The following NRXN3 variants were observed in gnomAD, a reference collection of about 807,000 sequenced individuals.
NRXN3 encodes neurexin 3.
A neutral mutation model predicts 137.6 loss-of-function variants in NRXN3; 32 were observed. The observed-to-expected ratio is 0.23, with a 90% CI of 0.18 to 0.31. The LOEUF is 0.31. NRXN3 is among the 10% of genes least tolerant of loss of function. The pLI is 1.00. For missense variants in NRXN3, 1,574 were observed against 2,062.5 expected, an observed-to-expected ratio of 0.76 and a Z score of 4.59; for synonymous variants, 798 against 784.5, an observed-to-expected ratio of 1.02 and a Z score of -0.29.
chr14:78,592,161 G>C (rs1408761805), intron 4 of NRXN3, among the ~76,000 whole-genome samples: 4 of 152,102 alleles, frequency 2.6e-5, no homozygotes, highest in Non-Finnish European at 4.4e-5. Flanking sequence ...TTTGCAAAGT[G>C]GGGGCTGAAG....
At chr14:78,254,191 G>A (rs542345573) in intron 2 of NRXN3, among the ~76,000 whole-genome samples, 1 of 152,160 alleles carries the variant, frequency 6.6e-6, no homozygotes. Flanking sequence ...GATGTAAGCA[G>A]GTGACTCATA....
At chr14:78,369,090 T>C (rs1043939460) in intron 4 of NRXN3, among the ~76,000 whole-genome samples, 7 of 152,182 alleles carry the variant, frequency 4.6e-5, no homozygotes, top group African/African-American at 1.4e-4. Context: ...TCGCTTAATA[T>C]GGGCATCTAA....
At chr14:79,279,671 C>T in intron 15 of NRXN3, 1 of 986,294 alleles carries the variant, frequency 1.0e-6, no homozygotes, top group Non-Finnish European at 1.2e-6. Flanking sequence ...TGCTCCGTGG[C>T]GCTAGTCCAG....
intron 15 of NRXN3, among the ~76,000 whole-genome samples, chr14:79,010,933 A>C (rs534163055): frequency 6.6e-6 from 1 of 152,150 alleles, no homozygotes; most frequent in Non-Finnish European, 1.5e-5. Context: ...TGGCACAAAA[A>C]AAGAATTGTG....
chr14:78,691,523 A>C (rs2098170268), intron 6 of NRXN3, among the ~76,000 whole-genome samples: 1 of 152,174 alleles, frequency 6.6e-6, no homozygotes, highest in African/African-American at 2.4e-5. Flanking sequence ...TTTTTGATGG[A>C]ATTCTAGTGG....
chr14:79,498,033 C>T (rs1601236441), intron 16 of NRXN3, among the ~76,000 whole-genome samples: 1 of 152,096 alleles, frequency 6.6e-6, no homozygotes, highest in East Asian at 1.9e-4. Context: ...GATTCTGTCT[C>T]AGAAAACAAA....
intron 4 of NRXN3, among the ~76,000 whole-genome samples, chr14:78,301,144 A>G (rs545555572): frequency 1.0e-5 from 1 of 100,190 alleles, no homozygotes; most frequent in African/African-American, 3.1e-5. Context: ...AATTTTATTT[A>G]ATGTGGAATT....
intron 11 of NRXN3, among the ~76,000 whole-genome samples, chr14:78,965,421 A>C (rs918330432): frequency 1.2e-4 from 19 of 152,110 alleles, no homozygotes; most frequent in African/African-American, 4.6e-4. Flanking sequence ...GGTAAAGTAC[A>C]TTGAGTGGTC....
At position 78,966,224 on chromosome 14, in the gene NRXN3, G is replaced by A. The variant is rs1277339142; in HGVS notation, c.2595G>A (p.Leu865=). Residue 865 remains leucine (L), a synonymous_variant, in exon 12 of 21, where the codon CTG becomes CTA. Coordinates refer to ENST00000335750, the MANE Select transcript of NRXN3 (RefSeq NM_001330195.2). ...GTGAGCTGAAGGCTCGTTTTGGACTGAGGAACATCATCGCTGACCCTGTCA... is the reference window on the plus strand; with the variant it reads ...GTGAGCTGAAGGCTCGTTTTGGACTAAGGAACATCATCGCTGACCCTGTCA... ...DYCELKARFG[L]RNIIADPVTF... is the part of the protein sequence containing the mutation. 1.2e-6 allele frequency: 2 copies of A among 1,614,072 alleles called. No individual in the cohort carries two copies. Among genetic ancestry groups the A allele is most frequent in the Non-Finnish European group, 1.7e-6 (2 of 1,180,044 alleles).
intron 15 of NRXN3, among the ~76,000 whole-genome samples, chr14:79,329,560 A>G (rs2091386003): frequency 6.6e-6 from 1 of 152,146 alleles, no homozygotes; most frequent in Non-Finnish European, 1.5e-5. Flanking sequence ...ATGATATGTA[A>G]ACAAATGGAC....
chr14:78,348,712 C>A (rs1315413416), intron 4 of NRXN3, among the ~76,000 whole-genome samples: 1 of 152,174 alleles, frequency 6.6e-6, no homozygotes, highest in Non-Finnish European at 1.5e-5. Context: ...AGGCCAGCAC[C>A]CTAGACCTGT....
intron 2 of NRXN3, among the ~76,000 whole-genome samples, chr14:78,256,778 A>G (rs976370892): frequency 6.6e-6 from 1 of 152,248 alleles, no homozygotes; most frequent in African/African-American, 2.4e-5. Flanking sequence ...AAGTAAATAT[A>G]CATCTGTTAT....
intron 11 of NRXN3, 71 bp downstream of exon 11, chr14:78,957,432 TG>T: frequency 6.5e-7 from 1 of 1,541,228 alleles, no homozygotes; most frequent in Non-Finnish European, 8.8e-7. Flanking sequence ...GAGCAAACAG[TG>T]TTTTGCAAAA....
intron 15 of NRXN3, among the ~76,000 whole-genome samples, chr14:79,106,516 C>A (rs979084334): frequency 1.3e-5 from 2 of 151,686 alleles, no homozygotes; most frequent in African/African-American, 2.4e-5. Flanking sequence ...AAAAAAAGAG[C>A]AAAACAAAGA....
At chr14:79,173,463 A>C (rs1322186422) in intron 15 of NRXN3, among the ~76,000 whole-genome samples, 8 of 149,812 alleles carry the variant, frequency 5.3e-5, no homozygotes, top group African/African-American at 2.0e-4. Flanking sequence ...GCCAGGAGGT[A>C]AAGGCTACAG....
At chr14:78,707,479 CT>C (rs949531046) in intron 6 of NRXN3, among the ~76,000 whole-genome samples, 15 of 152,056 alleles carry the variant, frequency 9.9e-5, no homozygotes, top group Admixed American at 8.5e-4. Context: ...AAGAGTAAAA[CT>C]TTTTTGAAAT....
At chr14:79,613,967 T>G (rs1373192568) in intron 16 of NRXN3, among the ~76,000 whole-genome samples, 1 of 152,208 alleles carries the variant, frequency 6.6e-6, no homozygotes, top group Non-Finnish European at 1.5e-5. Context: ...TTTTTATGGA[T>G]GGATGGATGG....
At chr14:79,496,639 G>A (rs2153665016) in intron 16 of NRXN3, among the ~76,000 whole-genome samples, 2 of 152,316 alleles carry the variant, frequency 1.3e-5, no homozygotes, top group Admixed American at 1.3e-4. Context: ...AGATTGATGG[G>A]CCTAATGAGC....
chr14:79,296,906 T>A (rs2153469921), intron 15 of NRXN3, among the ~76,000 whole-genome samples: 3 of 152,374 alleles, frequency 2.0e-5, no homozygotes, highest in Admixed American at 2.0e-4. Context: ...AGTTCCTGCG[T>A]GATCTGGCAT....
Sources: allele counts gnomAD v4.1 joint callset (sites outside exome capture counted in the v4.1 genomes callset), GRCh38; gene constraint gnomAD v4.1.1; transcripts MANE v1.5; gene names NCBI Gene and HGNC (gene_info 2026-07-23, HGNC 2026-07-21).